The following SPATA7 variants were observed in gnomAD, a reference collection of about 807,000 sequenced individuals.
SPATA7 encodes spermatogenesis associated 7, also known as spermatogenesis-associated protein 7.
A neutral mutation model predicts 51.8 loss-of-function variants in SPATA7; 43 were observed. That is an observed-to-expected ratio of 0.83 (90% CI 0.65 to 1.07). The LOEUF is 1.07. Ranked by LOEUF, SPATA7 falls within the 50% of genes least tolerant of loss-of-function variation. The pLI is 0.00. For synonymous variants in SPATA7, 230 were observed against 252.8 expected (o/e 0.91, Z 0.86); for missense variants, 683 against 701.3 (o/e 0.97, Z 0.30).
chr14:88,396,049 G>A, intron 3 of SPATA7, 107 bp from the exon 4 acceptor site: 1 of 851,292 alleles, frequency 1.2e-6, no homozygotes. Context: ...ATCGCTAGAA[G>A]TATGATAAAC....
chr14:88,432,823 C>A (rs2076976034), intron 9 of SPATA7: 4 of 233,824 alleles, frequency 1.7e-5, no homozygotes, highest in Non-Finnish European at 3.3e-5. Context: ...CAGTGGATTG[C>A]ATTTGATTGC....
intron 3 of SPATA7, among the ~76,000 whole-genome samples, chr14:88,450,588 G>A (rs2077243662): frequency 6.6e-6 from 1 of 152,118 alleles, no homozygotes; most frequent in Non-Finnish European, 1.5e-5. Context: ...ATTCTTGGCT[G>A]ATAATTGCTT....
At chr14:88,415,885 C>T (rs1409358570) in intron 4 of SPATA7, 1 of 152,192 alleles carries the variant, frequency 6.6e-6, no homozygotes, top group African/African-American at 2.4e-5. Context: ...TGGATCATGT[C>T]TGTGAATTTC....
chr14:88,468,128 T>G (rs771960865), intron 4 of SPATA7: 1 of 1,613,826 alleles, frequency 6.2e-7, no homozygotes, highest in South Asian at 1.1e-5. Flanking sequence ...CGTAAGAAAT[T>G]GTGGGAGCTT....
At chr14:88,403,003 A>G (rs1359408338) in intron 4 of SPATA7, among the ~76,000 whole-genome samples, 2 of 151,982 alleles carry the variant, frequency 1.3e-5, no homozygotes, top group African/African-American at 4.8e-5. Flanking sequence ...TTGCTATAAA[A>G]ATGCATGAAG....
intron 4 of SPATA7, among the ~76,000 whole-genome samples, chr14:88,407,601 C>G (rs2076232502): frequency 6.6e-6 from 1 of 152,108 alleles, no homozygotes; most frequent in African/African-American, 2.4e-5. Context: ...TGCAGAAGCT[C>G]TTTAGTTTAA....
Position 88,438,018 on chromosome 14 carries a change from C to T in SPATA7, c.1396C>T (p.Gln466Ter). The T allele has an allele frequency of 1.9e-6, 3 of 1,614,046 alleles. No homozygotes were observed. The highest frequency in any genetic ancestry group is 2.5e-6 in the Non-Finnish European group (3 of 1,179,986). The change falls in exon 12 of 12, where the codon CAA becomes TAA. Residue 466 changes from glutamine (Q) to a stop codon, truncating the protein, a stop_gained. Coordinates refer to ENST00000393545, the MANE Select transcript of SPATA7 (RefSeq NM_018418.5). LOFTEE classifies it low-confidence loss of function (END_TRUNC). Reference sequence around the variant, plus strand: ...AGTAACAATTCAGCAGGAACGTCAACAATACCAAAAGGCTTTGGATATGTT... The same window carrying T: ...AGTAACAATTCAGCAGGAACGTCAATAATACCAAAAGGCTTTGGATATGTT... ...SEVTIQQERQ[Q>*]YQKALDMLLS...
At chr14:88,417,049 A>G (rs59520258) in intron 5 of SPATA7, among the ~76,000 whole-genome samples, 5,351 of 152,178 alleles carry the variant, frequency 0.035, 308 homozygotes, top group African/African-American at 0.12. Context: ...TAAATAAATG[A>G]GTATAGCCGT....
downstream of SPATA7, chr14:88,455,321 G>T (rs2077277080): frequency 8.6e-6 from 2 of 231,428 alleles, no homozygotes; most frequent in South Asian, 1.1e-4. Context: ...TGACAGATTG[G>T]CACCTACTAA....
In SPATA7 at chr14:88,415,042, G is replaced by A. The variant is rs2076438752; in HGVS notation, c.239-1669G>A. Among the ~76,000 whole-genome samples the A allele has an allele frequency of 2.0e-5, 3 of 152,140 alleles. No individual in the cohort carries two copies. In the South Asian group the frequency reaches 6.2e-4, roughly 32 times the overall value. On this transcript the variant is annotated intron_variant, in intron 4 of 11. Coordinates refer to ENST00000393545, the MANE Select transcript of SPATA7 (RefSeq NM_018418.5). Reference sequence around the variant, plus strand: ...AATGTTTATTCTGTGGTTGTTGGGTGGAGTATTCTTCTGTAGATGTCTATT... The same window carrying A: ...AATGTTTATTCTGTGGTTGTTGGGTAGAGTATTCTTCTGTAGATGTCTATT...
downstream of SPATA7, among the ~76,000 whole-genome samples, chr14:88,455,914 C>A (rs904113216): frequency 1.4e-5 from 2 of 145,342 alleles, no homozygotes; most frequent in Non-Finnish European, 3.0e-5. Context: ...TGTGATGTTC[C>A]CCTTCCTGTG....
intron 4 of SPATA7, among the ~76,000 whole-genome samples, chr14:88,399,955 G>C (rs997812918): frequency 1.3e-5 from 2 of 152,112 alleles, no homozygotes; most frequent in African/African-American, 4.8e-5. Flanking sequence ...TTAAACCGCT[G>C]ACTTGAACAA....
intron 5 of SPATA7, among the ~76,000 whole-genome samples, chr14:88,425,841 TGACAA>T (rs1252489601): frequency 6.6e-6 from 1 of 152,156 alleles, no homozygotes; most frequent in African/African-American, 2.4e-5. Context: ...TCTCCAATAA[TGACAA>T]GACAGGACAG....
intron 10 of SPATA7, 39 bp downstream of exon 10, chr14:88,433,251 C>T (rs2076987673): frequency 7.4e-7 from 1 of 1,345,158 alleles, no homozygotes. Flanking sequence ...TTCAGGAGTA[C>T]ATTAAATATT....
At chr14:88,424,530 C>T (rs1195607346) in intron 5 of SPATA7, among the ~76,000 whole-genome samples, 1 of 152,110 alleles carries the variant, frequency 6.6e-6, no homozygotes, top group East Asian at 1.9e-4. Flanking sequence ...ATCATAATGG[C>T]TTATGCATTT....
intron 3 of SPATA7, among the ~76,000 whole-genome samples, chr14:88,447,614 G>A (rs953648954): frequency 3.4e-4 from 51 of 151,818 alleles, no homozygotes; most frequent in African/African-American, 6.8e-4. Flanking sequence ...ATTTTGCAGC[G>A]GCTGGTACCG....
intron 3 of SPATA7, chr14:88,393,726 CTAA>C (rs1297196693): frequency 2.8e-5 from 9 of 325,454 alleles, no homozygotes; most frequent in Admixed American, 9.1e-5. Flanking sequence ...ATCTCTATTG[CTAA>C]TAATATTTTG....
chr14:88,400,786 G>C (rs959404434), intron 4 of SPATA7, among the ~76,000 whole-genome samples: 1 of 152,094 alleles, frequency 6.6e-6, no homozygotes, highest in Non-Finnish European at 1.5e-5. Flanking sequence ...AGTGAGCTGA[G>C]ATCATGCCCC....
At chr14:88,448,539 C>G (rs2077229882) in intron 3 of SPATA7, among the ~76,000 whole-genome samples, 1 of 152,148 alleles carries the variant, frequency 6.6e-6, no homozygotes, top group African/African-American at 2.4e-5. Context: ...GAACTGCGTT[C>G]CTTTGGAGGA....
Sources: gnomAD v4.1 joint callset for allele counts (sites outside exome capture counted in the v4.1 genomes callset) on GRCh38, gnomAD v4.1.1 for gene constraint, MANE v1.5 for transcripts, NCBI Gene and HGNC (gene_info 2026-07-23, HGNC 2026-07-21) for gene names.